The following NAV3 variants were observed in gnomAD, a reference collection of about 807,000 sequenced individuals.
The protein encoded by NAV3 is pore membrane and/or filament interacting like protein 1.
In NAV3, 87 loss-of-function variants were observed where a neutral mutation model predicts 244.7. The ratio of observed to expected loss-of-function variants is 0.36; its 90% CI spans 0.30 to 0.42. The LOEUF (loss-of-function observed/expected upper bound fraction) is 0.42. Among genes scored for constraint, NAV3 ranks in the 20% least tolerant of loss-of-function variants. NAV3 has a pLI of 1.00. For synonymous variants in NAV3, 1,126 were observed against 1,042.2 expected (o/e 1.08, Z -1.55); for missense variants, 2,663 against 2,893.3 (o/e 0.92, Z 1.83).
At chr12:77,790,743 AG>A (rs1320045069) in intron 2 of NAV3, among the ~76,000 whole-genome samples, 1 of 152,190 alleles carries the variant, frequency 6.6e-6, no homozygotes. Flanking sequence ...CATAATCAAG[AG>A]GGCACTTCAG....
chr12:78,105,381 T>C lies in NAV3; in HGVS notation c.2637-11391T>C, dbSNP rs533481882. 2.0e-5 allele frequency among the ~76,000 whole-genome samples: 3 copies of C among 152,222 alleles called. No individual in the cohort carries two copies. In the South Asian group the frequency reaches 6.2e-4, roughly 32 times the overall value. On this transcript the variant is annotated intron_variant, in intron 12 of 39. Coordinates refer to ENST00000397909, the MANE Select transcript of NAV3 (RefSeq NM_001024383.2). ...AAAGTGGGGATAATTGTACCAATCA[T>C]ATTAGGTTCCTGTGAGAATTAACTG...
intron 9 of NAV3, among the ~76,000 whole-genome samples, chr12:78,038,300 G>A (rs1199841286): frequency 1.3e-5 from 2 of 152,130 alleles, no homozygotes; most frequent in Non-Finnish European, 2.9e-5. Flanking sequence ...CATATTTTAT[G>A]TCAATGTGTA....
Position 78,006,580 on chromosome 12 carries a change from T to A in NAV3, c.1042T>A (p.Leu348Met), listed in dbSNP as rs1286904418. The A allele has an allele frequency of 6.2e-7, 1 of 1,614,042 alleles. No homozygotes were observed. The change falls in exon 8 of 40, where the codon TTG becomes ATG. Residue 348 changes from leucine (L) to methionine (M), a missense_variant. By Grantham distance (15) the Leu-to-Met change is conservative. Transcript: ENST00000397909. Reference sequence around the variant, plus strand: ...CAAACACAGTGCCACCTCCACCATGTTGACTGTAAAGCAGTCAAGTACAGC... The same window carrying A: ...CAAACACAGTGCCACCTCCACCATGATGACTGTAAAGCAGTCAAGTACAGC... ...NVKHSATSTM[L>M]TVKQSSTATS...
chr12:78,092,882 A>G (rs1367751174), intron 12 of NAV3, among the ~76,000 whole-genome samples: 1 of 151,970 alleles, frequency 6.6e-6, no homozygotes, highest in Non-Finnish European at 1.5e-5. Flanking sequence ...GTTAGGAAAT[A>G]TAGACTTTGT....
At chr12:77,686,968 C>G (rs903366376) in intron 2 of NAV3, among the ~76,000 whole-genome samples, 1 of 152,040 alleles carries the variant, frequency 6.6e-6, no homozygotes, top group Non-Finnish European at 1.5e-5. Flanking sequence ...TGCTGCCTCT[C>G]GGTGGGGTCT....
Position 77,619,881 on chromosome 12 carries a change from T to TCA in NAV3, c.72+47634_72+47635dup, listed in dbSNP as rs140525524. ...TAATGTGACAAAAAGTCTCTCTCTC[T>TCA]CACACACACACACACACACAGACAG... is the stretch of plus-strand genomic sequence containing the variant. On this transcript the variant is annotated intron_variant, in intron 2 of 8. Transcript: ENST00000550042. Among the ~76,000 whole-genome samples, 221 of 149,350 alleles carry TCA rather than the reference T, an allele frequency of 1.5e-3. 1 individual carries two copies. Among genetic ancestry groups the TCA allele is most frequent in the Middle Eastern group, 7.0e-3 (2 of 284 alleles).
intron 2 of NAV3, among the ~76,000 whole-genome samples, chr12:77,803,921 G>A (rs1434334933): frequency 1.3e-5 from 2 of 152,252 alleles, no homozygotes; most frequent in Non-Finnish European, 2.9e-5. Context: ...CCACATAAAT[G>A]TCTTCTTTAG....
chr12:77,915,197 G>A (rs1887003220), intron 1 of NAV3, among the ~76,000 whole-genome samples: 1 of 151,872 alleles, frequency 6.6e-6, no homozygotes, highest in South Asian at 2.1e-4. Context: ...AGATTCAAAT[G>A]GCTTAATTTT....
chr12:77,689,347 A>G (rs981032103), intron 2 of NAV3, among the ~76,000 whole-genome samples: 1 of 151,924 alleles, frequency 6.6e-6, no homozygotes, highest in Non-Finnish European at 1.5e-5. Flanking sequence ...ATTTTAGAAC[A>G]TATCTTGTCT....
rs376720779 is a variant in NAV3, at chr12:78,200,361, A to T, written c.6716-112A>T. On this transcript the variant is annotated intron_variant, in intron 37 of 39. Transcript: ENST00000397909. ...TAATAATCAAGCTGGCCAATAATACAATTTTCTAGGAATTTTGCAAGAAAT... is the reference window on the plus strand; with the variant it reads ...TAATAATCAAGCTGGCCAATAATACTATTTTCTAGGAATTTTGCAAGAAAT... The T allele has an allele frequency of 3.2e-5, 18 of 569,270 alleles. No individual in the cohort carries two copies. In the East Asian group the frequency reaches 4.4e-4, roughly 14 times the overall value. The allele number at this position is 569,270 out of a possible 1,614,324, so 35.3% of individuals were successfully genotyped here.
At chr12:77,778,045 A>G (rs1027588766) in intron 2 of NAV3, among the ~76,000 whole-genome samples, 1 of 151,900 alleles carries the variant, frequency 6.6e-6, no homozygotes, top group Non-Finnish European at 1.5e-5. Context: ...ACCTTAGGTG[A>G]TCCATCCACC....
chr12:78,200,628 A>G (rs748305923), intron 38 of NAV3, 37 bp downstream of exon 38: 20 of 1,284,980 alleles, frequency 1.6e-5, no homozygotes, highest in African/African-American at 3.0e-5. Context: ...TTTTTTTTAA[A>G]AAAAAAAAGC....
At chr12:77,846,101 T>C (rs1876594177) in intron 1 of NAV3, among the ~76,000 whole-genome samples, 1 of 152,174 alleles carries the variant, frequency 6.6e-6, no homozygotes, top group African/African-American at 2.4e-5. Flanking sequence ...GATAGGCTTA[T>C]GTAGCTGAGA....
intron 1 of NAV3, among the ~76,000 whole-genome samples, chr12:77,848,635 G>T (rs779267405): frequency 2.0e-5 from 3 of 152,124 alleles, no homozygotes; most frequent in Admixed American, 6.6e-5. Context: ...TACAAATATT[G>T]AATAATGTGC....
At chr12:77,577,475 T>A (rs1158851558) in intron 2 of NAV3, among the ~76,000 whole-genome samples, 1 of 152,144 alleles carries the variant, frequency 6.6e-6, no homozygotes, top group Non-Finnish European at 1.5e-5. Context: ...TGGAAATGGA[T>A]AAAAGTGAAT....
intron 11 of NAV3, among the ~76,000 whole-genome samples, chr12:78,056,647 T>G (rs12230164): frequency 0.3 from 46,202 of 152,000 alleles, 9,091 homozygotes; most frequent in Non-Finnish European, 0.46. Flanking sequence ...GAGAATTGCT[T>G]GAACCCAGGA....
chr12:77,591,286 C>G (rs73417957), intron 2 of NAV3, among the ~76,000 whole-genome samples: 3,330 of 152,266 alleles, frequency 0.022, 135 homozygotes, highest in African/African-American at 0.077. Flanking sequence ...AATATGTTAA[C>G]ATATTCATCT....
intron 1 of NAV3, among the ~76,000 whole-genome samples, chr12:77,864,587 A>G (rs753802846): frequency 5.3e-5 from 8 of 152,048 alleles, no homozygotes; most frequent in Admixed American, 2.6e-4. Flanking sequence ...TAACTTGACT[A>G]GAAATAGACT....
intron 2 of NAV3, among the ~76,000 whole-genome samples, chr12:77,631,535 T>TA (rs1871899152): frequency 6.6e-6 from 1 of 151,272 alleles, no homozygotes; most frequent in African/African-American, 2.4e-5. Context: ...CAACATGCTA[T>TA]AGAGGAGACA....
Sources: allele counts gnomAD v4.1 joint callset (sites outside exome capture counted in the v4.1 genomes callset), GRCh38; gene constraint gnomAD v4.1.1; transcripts MANE v1.5; gene names NCBI Gene and HGNC (gene_info 2026-07-23, HGNC 2026-07-21).